ICE2: variants seen among roughly 807,000 people sequenced by gnomAD.
The protein encoded by ICE2 is interactor of little elongation complex ELL subunit 2.
Under a neutral mutation model 105.4 loss-of-function variants are expected in ICE2, and 87 were observed. That is an observed-to-expected ratio of 0.83 (90% confidence interval 0.69 to 0.99). The LOEUF is 0.99. Among genes scored for constraint, ICE2 ranks in the 50% least tolerant of loss-of-function variants. The pLI, the probability that ICE2 is intolerant of heterozygous loss-of-function variation, is 0.00. For synonymous variants in ICE2, 399 were observed against 392.0 expected, an observed-to-expected ratio of 1.02 and a Z score of -0.21; for missense variants, 1,323 against 1,146.7, an observed-to-expected ratio of 1.15 and a Z score of -2.22.
At chr15:60,452,126 T>C in intron 9 of ICE2, 1 of 984,992 alleles carries the variant, frequency 1.0e-6, no homozygotes, top group Non-Finnish European at 1.2e-6. Context: ...TTCACCTCAA[T>C]ATAAGTTTTA....
chr15:60,475,584 G>A (rs2064737794), intron 3 of ICE2, among the ~76,000 whole-genome samples: 1 of 151,974 alleles, frequency 6.6e-6, no homozygotes, highest in Non-Finnish European at 1.5e-5. Flanking sequence ...TAAATGCTGG[G>A]GCATGAAAAG....
rs1595829127 is a variant in ICE2, at chr15:60,475,236, G to A, written c.146+827C>T. On this transcript the variant is annotated intron_variant, in intron 3 of 15. Coordinates refer to ENST00000261520, the MANE Select transcript of ICE2 (RefSeq NM_024611.6). ...CATCAACAACAGAGTAGAAATAGTCGATCAAAAAGCAAAGAAGAGCTACTA... is the reference window on the plus strand; with the variant it reads ...CATCAACAACAGAGTAGAAATAGTCAATCAAAAAGCAAAGAAGAGCTACTA... 1.3e-5 allele frequency among the ~76,000 whole-genome samples: 2 copies of A among 151,894 alleles called. 1 individual carries two copies. Among genetic ancestry groups the A allele is most frequent in the African/African-American group, 4.8e-5 (2 of 41,310 alleles).
At chr15:60,423,797 G>T in intron 15 of ICE2, 35 bp from the exon 16 acceptor site, 1 of 1,537,690 alleles carries the variant, frequency 6.5e-7, no homozygotes, top group East Asian at 2.3e-5. Context: ...ATAGCTTAAT[G>T]TATCTACAAC....
chr15:60,454,683 CTTTT>C (rs760720286), intron 8 of ICE2: 5 of 197,056 alleles, frequency 2.5e-5, no homozygotes, highest in Non-Finnish European at 4.1e-5. Flanking sequence ...GTTCCAACCT[CTTTT>C]TTCTTTTTTT....
intron 4 of ICE2, among the ~76,000 whole-genome samples, chr15:60,466,977 A>G (rs1271856339): frequency 1.3e-5 from 2 of 152,230 alleles, no homozygotes; most frequent in African/African-American, 4.8e-5. Flanking sequence ...TGCTGTCAAA[A>G]AAAATTTTTT....
At chr15:60,443,708 A>T (rs1258699004) in intron 11 of ICE2, among the ~76,000 whole-genome samples, 1 of 152,206 alleles carries the variant, frequency 6.6e-6, no homozygotes, top group Non-Finnish European at 1.5e-5. Context: ...GGATTTTACC[A>T]ATAAAGCATT....
Position 60,428,475 on chromosome 15 carries a change from G to C in ICE2, c.2774C>G (p.Pro925Arg), listed in dbSNP as rs1385714969. ...CAGTGATTTCGGTGGAAAAGTACAA[G>C]GTATTCTTCCATGATGGATATGATA... The part of the protein sequence containing the change: ...LPYHIHHGRI[P>R]CTFPPKSLDT... Residue 925 changes from proline to arginine, a missense_variant, in exon 15 of 16, where the codon CCT (proline) becomes CGT (arginine). By Grantham distance (103) the Pro-to-Arg change is moderately radical. Coordinates refer to ENST00000261520, the MANE Select transcript of ICE2 (RefSeq NM_024611.6). 3 of 1,613,702 alleles carry C rather than the reference G, an allele frequency of 1.9e-6. No individual in the cohort carries two copies. The highest frequency in any genetic ancestry group is 1.7e-5 in the Admixed American group (1 of 59,982).
At position 60,436,169 on chromosome 15, in the gene ICE2, T is replaced by A; in HGVS notation, c.2484A>T (p.Glu828Asp). Residue 828 changes from glutamate to aspartate, a missense_variant, in exon 13 of 16, where the codon GAA becomes GAT. Coordinates refer to ENST00000261520, the MANE Select transcript of ICE2 (RefSeq NM_024611.6). ...LFLLEEITSE[E>D]LKEKLSALKI... is the part of the protein sequence containing the mutation. The stretch of plus-strand genomic sequence containing the variant: ...TGAGTGCTGAAAGCTTTTCTTTTAA[T>A]TCTTCTGAGGTAATTTCTTCCAGTA... 1 of 1,471,836 alleles carries A rather than the reference T, an allele frequency of 6.8e-7. No homozygotes were observed. Among genetic ancestry groups the A allele is most frequent in the Non-Finnish European group, 9.1e-7 (1 of 1,094,184 alleles). 91.2% of individuals were successfully genotyped at this position (1,471,836 alleles called of 1,614,324 possible). A position where few individuals can be genotyped will look rare whatever the true frequency, so the allele number is the denominator to read the frequency against.
intron 11 of ICE2, among the ~76,000 whole-genome samples, chr15:60,443,677 A>G (rs888601374): frequency 6.6e-6 from 1 of 152,232 alleles, no homozygotes; most frequent in Non-Finnish European, 1.5e-5. Flanking sequence ...TCTCAATTAA[A>G]AACAAAATTA....
intron 11 of ICE2, among the ~76,000 whole-genome samples, chr15:60,443,936 A>C (rs1020510820): frequency 6.6e-6 from 1 of 151,822 alleles, no homozygotes; most frequent in South Asian, 2.1e-4. Flanking sequence ...TCTACAAAAA[A>C]TTAAAAAAAA....
At chr15:60,459,909 G>T (rs1476670737) in intron 5 of ICE2, among the ~76,000 whole-genome samples, 2 of 151,920 alleles carry the variant, frequency 1.3e-5, no homozygotes, top group African/African-American at 4.8e-5. Flanking sequence ...CACAGAAAAA[G>T]TAAAAGAAGC....
chr15:60,464,230 G>A (rs1335037077), intron 5 of ICE2, among the ~76,000 whole-genome samples: 1 of 152,192 alleles, frequency 6.6e-6, no homozygotes, highest in Non-Finnish European at 1.5e-5. Context: ...ACCAAGTAAT[G>A]TACTTTGTTA....
At chr15:60,436,271 A>T in intron 12 of ICE2, 44 bp from the exon 13 acceptor site, 1 of 709,356 alleles carries the variant, frequency 1.4e-6, no homozygotes, top group Non-Finnish European at 2.2e-6. Flanking sequence ...CAATTGCAGT[A>T]TTTAGAAAAA....
chr15:60,460,647 T>C (rs2064249507), intron 5 of ICE2, among the ~76,000 whole-genome samples: 1 of 152,224 alleles, frequency 6.6e-6, no homozygotes, highest in South Asian at 2.1e-4. Flanking sequence ...TGTTAGGCTG[T>C]CCAGTACACT....
chr15:60,433,308 C>T (rs1187091558), intron 13 of ICE2, among the ~76,000 whole-genome samples: 1 of 151,722 alleles, frequency 6.6e-6, no homozygotes, highest in African/African-American at 2.4e-5. Flanking sequence ...AGGATGGTCT[C>T]ATCTCCTGAC....
chr15:60,449,304 TC>T lies in ICE2; in HGVS notation c.1662del (p.Thr555LeufsTer24), dbSNP rs771335883. ...VLENLDNSKE[K>X]TVGSEAAKTE... ...GTTTTTGCTGCTTCTGATCCAACAGTCTTTTCCTTTGAGTTGTCTAGGTTTT... is the reference window on the plus strand; with the variant it reads ...GTTTTTGCTGCTTCTGATCCAACAGTTTTTCCTTTGAGTTGTCTAGGTTTT... On this transcript the variant is annotated frameshift_variant, in exon 10 of 16. Transcript: ENST00000261520. LOFTEE classifies it high-confidence loss of function. 2 of 1,613,146 alleles carry T rather than the reference TC, an allele frequency of 1.2e-6. No homozygotes were observed. The highest frequency in any genetic ancestry group is 1.7e-6 in the Non-Finnish European group (2 of 1,180,000).
chr15:60,449,067 G>GT lies in ICE2; in HGVS notation c.1899dup (p.Pro634ThrfsTer7), dbSNP rs773511663. 22 of 1,613,280 alleles carry GT rather than the reference G, an allele frequency of 1.4e-5. No individual in the cohort carries two copies. The highest frequency in any genetic ancestry group is 4.4e-5 in the South Asian group (4 of 91,008). ...AATTTTTTATATACTCGTTTGATAG[G>GT]TTTTTTTAAAACACATGACTCTTCA... On this transcript the variant is annotated frameshift_variant, in exon 10 of 16. Coordinates refer to ENST00000261520, the MANE Select transcript of ICE2 (RefSeq NM_024611.6). LOFTEE classifies it high-confidence loss of function.
Position 60,449,093 on chromosome 15 carries a change from G to A in ICE2, c.1874C>T (p.Pro625Leu). Residue 625 changes from proline (P) to leucine (L), a missense_variant, in exon 10 of 16, where the codon CCT (proline) becomes CTT (leucine). Transcript: ENST00000261520. ...VGNQTNTACSPEESCVLKKPI... is the reference protein window; with the variant it reads ...VGNQTNTACSLEESCVLKKPI... ...TTTTTTTAAAACACATGACTCTTCA[G>A]GACTACAAGCAGTATTAGTCTGGTT... 8 of 1,613,920 alleles carry A rather than the reference G, an allele frequency of 5.0e-6. No individual in the cohort carries two copies. Among genetic ancestry groups the A allele is most frequent in the Non-Finnish European group, 6.8e-6 (8 of 1,179,912 alleles).
chr15:60,472,871 T>C (rs1234456276), intron 3 of ICE2, among the ~76,000 whole-genome samples: 2 of 152,022 alleles, frequency 1.3e-5, no homozygotes, highest in East Asian at 1.9e-4. Flanking sequence ...GATTAATACC[T>C]GAAATTTTTA....
Sources: allele counts gnomAD v4.1 joint callset (sites outside exome capture counted in the v4.1 genomes callset), GRCh38; gene constraint gnomAD v4.1.1; transcripts MANE v1.5; gene names NCBI Gene and HGNC (gene_info 2026-07-23, HGNC 2026-07-21).